The following SRRM2 variants were observed in gnomAD, a reference collection of about 807,000 sequenced individuals.
SRRM2 encodes the protein serine/arginine repetitive matrix 2, also known as serine/arginine repetitive matrix protein 2.
In SRRM2, 30 loss-of-function variants were observed where a neutral mutation model predicts 213.8. That is an observed-to-expected ratio of 0.14 (90% CI 0.10 to 0.19). SRRM2 has a LOEUF of 0.19. Among genes scored for constraint, SRRM2 ranks in the 10% least tolerant of loss-of-function variants. The pLI is 1.00. For synonymous variants in SRRM2, 2,025 were observed against 1,377.7 expected (o/e 1.47, Z -10.40); for missense variants, 4,904 against 3,647.0 (o/e 1.34, Z -8.88).
chr16:2,770,808 C>T, intron 14 of SRRM2, 50 bp from the exon 15 acceptor site: 2 of 1,613,406 alleles, frequency 1.2e-6, no homozygotes, highest in Non-Finnish European at 1.7e-6. Flanking sequence ...AGAAACTGGC[C>T]TTGAGGGCTG....
In SRRM2 at chr16:2,770,333, G is replaced by A. The variant is rs1449811572; in HGVS notation, c.8022-19G>A. On this transcript the variant is annotated intron_variant, in intron 12 of 14. Coordinates refer to ENST00000301740, the MANE Select transcript of SRRM2 (RefSeq NM_016333.4). ...GCTTGAAAGGGTGTGGTGCTATTGG[G>A]TCCTACTGTGTTCCCCAGGTCCCGC... is the stretch of plus-strand genomic sequence containing the variant. 1.9e-6 allele frequency: 3 copies of A among 1,564,388 alleles called. No individual in the cohort carries two copies. The Admixed American group carries it at 5.6e-5, about 29-fold the overall frequency.
At chr16:2,759,717 A>C in intron 9 of SRRM2, 56 bp downstream of exon 9, 1 of 1,524,104 alleles carries the variant, frequency 6.6e-7, no homozygotes, top group Non-Finnish European at 9.1e-7. Context: ...TAATTAATTT[A>C]ATATTTATTG....
At chr16:2,760,175 G>A (rs912240122) in intron 9 of SRRM2, 126 bp from the exon 10 acceptor site, 6 of 899,206 alleles carry the variant, frequency 6.7e-6, no homozygotes, top group East Asian at 2.6e-5. Context: ...TGAGTTGTGC[G>A]ACTAAAGGCT....
In SRRM2 at chr16:2,769,197, C is replaced by T. The variant is rs755912977; in HGVS notation, c.7934C>T (p.Ser2645Leu). Residue 2645 changes from serine to leucine, a missense_variant, in exon 12 of 15, where the codon TCG (serine) becomes TTG (leucine). Coordinates refer to ENST00000301740, the MANE Select transcript of SRRM2 (RefSeq NM_016333.4). Reference protein sequence around the residue: ...SSSSSSSSSSSSSSPSPAKPG... With the variant: ...SSSSSSSSSSLSSSPSPAKPG... ...TCCTCCTCATCTTCCTCCTCCTCGT[C>T]GTCTTCCTCCCCTTCCCCTGCTAAG... 2.3e-5 allele frequency: 37 copies of T among 1,607,880 alleles called. No homozygotes were observed. Among genetic ancestry groups the T allele is most frequent in the East Asian group, 1.3e-4 (6 of 44,880 alleles).
In SRRM2 at chr16:2,769,122, C is replaced by T. The variant is rs768424943; in HGVS notation, c.7859C>T (p.Ser2620Phe). Residue 2620 changes from serine to phenylalanine, a missense_variant, in exon 12 of 15, where the codon TCC becomes TTC. Ser to Phe is a radical substitution (Grantham distance 155, BLOSUM62 -2). Transcript: ENST00000301740. ...SSSSSSSSSS[S>F]SSSSSSSSSS... ...TCCAGCTCCTCCTCTTCATCTTCCT[C>T]CTCCTCCTCCTCCTCCTCTTCTTCC... is the stretch of plus-strand genomic sequence containing the variant. 9.9e-6 allele frequency: 16 copies of T among 1,610,736 alleles called. No homozygotes were observed. The highest frequency in any genetic ancestry group is 2.2e-5 in the East Asian group (1 of 44,806).
At position 2,770,704 on chromosome 16, in the gene SRRM2, C is replaced by T. The variant is rs1271357879; in HGVS notation, c.8236C>T (p.His2746Tyr). ...RETPSPRPMR[H>Y]RSSRSP ...GACACCTAGCCCTCGGCCCATGAGA[C>T]ACCGCTCCTCCAGGTGCGTGTCCTG... The change falls in exon 14 of 15, where the codon CAC (histidine) becomes TAC (tyrosine). Residue 2746 changes from histidine to tyrosine, a missense_variant. By Grantham distance (83) the His-to-Tyr change is moderately conservative (BLOSUM62 2). Coordinates refer to ENST00000301740, the MANE Select transcript of SRRM2 (RefSeq NM_016333.4). The T allele has an allele frequency of 3.8e-6, 6 of 1,561,518 alleles. No homozygotes were observed. The highest frequency in any genetic ancestry group is 1.9e-5 in the Admixed American group (1 of 52,268).
Position 2,770,610 on chromosome 16 carries a change from CAGT to C in SRRM2, c.8143_8145del (p.Ser2715del), listed in dbSNP as rs748736775. Reference sequence around the variant, plus strand: ...TGTCTGTCCTGTGTTGCAGCAGCAGCAGTGAGCGGGGTTCCCGGAGAGGCCAGC... The same window carrying C: ...TGTCTGTCCTGTGTTGCAGCAGCAGCGAGCGGGGTTCCCGGAGAGGCCAGC... On this transcript the variant is annotated inframe_deletion, in exon 14 of 15. Transcript: ENST00000301740. 6 of 1,552,974 alleles carry C rather than the reference CAGT, an allele frequency of 3.9e-6. No individual in the cohort carries two copies. Among genetic ancestry groups the C allele is most frequent in the Non-Finnish European group, 4.4e-6 (5 of 1,147,928 alleles).
rs1247791146 is a variant in SRRM2, at chr16:2,752,765, C to G, written c.-113C>G. 3 of 361,344 alleles carry G rather than the reference C, an allele frequency of 8.3e-6. No homozygotes were observed. The highest frequency in any genetic ancestry group is 6.9e-5 in the Admixed American group (2 of 29,132). 22.4% of individuals were successfully genotyped at this position (361,344 alleles called of 1,614,324 possible). ...CGGACCGGCGAGGCGAGGCGGCGGC[C>G]CCAGGCCCGAGGGACTCGGGAGCTC... On this transcript the variant is annotated 5_prime_UTR_variant, in exon 1 of 15. Coordinates refer to ENST00000301740, the MANE Select transcript of SRRM2 (RefSeq NM_016333.4).
chr16:2,760,380 G>A lies in SRRM2; in HGVS notation c.913G>A (p.Glu305Lys), dbSNP rs1409477426. The A allele has an allele frequency of 1.2e-6, 2 of 1,614,158 alleles. No homozygotes were observed. Among genetic ancestry groups the A allele is most frequent in the Non-Finnish European group, 8.5e-7 (1 of 1,180,028 alleles). The change falls in exon 10 of 15, where the codon GAG (glutamate) becomes AAG (lysine). Residue 305 changes from glutamate to lysine, a missense_variant. Glu to Lys is a moderately conservative substitution (Grantham distance 56). Coordinates refer to ENST00000301740, the MANE Select transcript of SRRM2 (RefSeq NM_016333.4). ...SPSPASGRRG[E>K]GDAPFSEPGT... ...TTCCCCTGCTTCAGGGCGACGCGGG[G>A]AGGGAGATGCGCCTTTCAGTGAACC...
Position 2,765,772 on chromosome 16 carries a change from T to C in SRRM2, c.5244T>C (p.Ala1748=), listed in dbSNP as rs2068518978. Residue 1748 remains alanine (A), a synonymous_variant, in exon 11 of 15, where the codon GCT becomes GCC. Coordinates refer to ENST00000301740, the MANE Select transcript of SRRM2 (RefSeq NM_016333.4). ...KSRSSRRRRS[A]SSPRTKTTSR... ...GGTCTTCACGCCGACGGCGCTCAGC[T>C]TCATCTCCACGCACTAAGACAACCT... The C allele has an allele frequency of 6.2e-7, 1 of 1,614,080 alleles. No individual in the cohort carries two copies. The highest frequency in any genetic ancestry group is 8.5e-7 in the Non-Finnish European group (1 of 1,180,030).
chr16:2,761,129 C>T (rs547434134), intron 10 of SRRM2, among the ~76,000 whole-genome samples: 1 of 152,344 alleles, frequency 6.6e-6, no homozygotes, highest in Non-Finnish European at 1.5e-5. Context: ...CTCTACCCAT[C>T]CTGGGCTGCT....
rs761995850 is a variant in SRRM2, at chr16:2,758,977, A to G, written c.594-8A>G. 5.6e-6 allele frequency: 9 copies of G among 1,614,192 alleles called. No homozygotes were observed. The highest frequency in any genetic ancestry group is 5.5e-5 in the South Asian group (5 of 91,074). On this transcript the variant is annotated splice_polypyrimidine_tract_variant and splice_region_variant and intron_variant, in intron 5 of 14. Transcript: ENST00000301740. Reference sequence around the variant, plus strand: ...GCAGGATGAGCTTGCTTTTGAATCCATCTTTAGCAGGTCAGAGAGCAGCTC... The same window carrying G: ...GCAGGATGAGCTTGCTTTTGAATCCGTCTTTAGCAGGTCAGAGAGCAGCTC...
In SRRM2 at chr16:2,766,756, C is replaced by T. The variant is rs1334450424; in HGVS notation, c.6228C>T (p.Arg2076=). Residue 2076 remains arginine (R), a synonymous_variant, in exon 11 of 15, where the codon CGC becomes CGT. Transcript: ENST00000301740. The surrounding 1 kb of genome is among the most constrained non-coding windows in gnomAD (Gnocchi z 7.0). The part of the protein sequence containing the change: ...RSLTRSPPAI[R]RRSASGSSSD... ...TAACAAGATCTCCTCCAGCCATCCG[C>T]AGGCGTTCTGCATCTGGAAGTAGTT... is the stretch of plus-strand genomic sequence containing the variant. 1.2e-6 allele frequency: 2 copies of T among 1,614,090 alleles called. No homozygotes were observed. The highest frequency in any genetic ancestry group is 1.7e-5 in the Admixed American group (1 of 60,002).
At chr16:2,757,270 A>C (rs1403842945) in intron 2 of SRRM2, among the ~76,000 whole-genome samples, 1 of 152,126 alleles carries the variant, frequency 6.6e-6, no homozygotes, top group Non-Finnish European at 1.5e-5. Flanking sequence ...AGCATATTTA[A>C]AATCCACTGT....
At chr16:2,761,332 T>C (rs1007327692) in intron 10 of SRRM2, among the ~76,000 whole-genome samples, 1 of 152,264 alleles carries the variant, frequency 6.6e-6, no homozygotes, top group Admixed American at 6.5e-5. Context: ...GTGCATTAGT[T>C]ATTTGCATTT....
chr16:2,763,073 C>A lies in SRRM2; in HGVS notation c.2545C>A (p.Pro849Thr). The A allele has an allele frequency of 6.2e-7, 1 of 1,614,180 alleles. No individual in the cohort carries two copies. Among genetic ancestry groups the A allele is most frequent in the Non-Finnish European group, 8.5e-7 (1 of 1,180,020 alleles). The change falls in exon 11 of 15, where the codon CCA becomes ACA. Residue 849 changes from proline (P) to threonine (T), a missense_variant. Physicochemically the swap from Pro to Thr is conservative, Grantham distance 38. Coordinates refer to ENST00000301740, the MANE Select transcript of SRRM2 (RefSeq NM_016333.4). ...TCATCCTAAAGTGAAATCTGGAACACCACCGAGGCAAGGGTCCATAACAAG... is the reference window on the plus strand; with the variant it reads ...TCATCCTAAAGTGAAATCTGGAACAACACCGAGGCAAGGGTCCATAACAAG... ...SPHPKVKSGT[P>T]PRQGSITSPQ...
At position 2,759,167 on chromosome 16, in the gene SRRM2, G is replaced by C. The variant is rs550406093; in HGVS notation, c.684G>C (p.Lys228Asn). ...HRSESESKKR[K>N]HRSPTPKSKR... ...CAGAATCTGAGTCCAAGAAACGTAAGCATAGGTAAGAGCTCTTTAACTCAT... is the reference window on the plus strand; with the variant it reads ...CAGAATCTGAGTCCAAGAAACGTAACCATAGGTAAGAGCTCTTTAACTCAT... The change falls in exon 7 of 15, where the codon AAG becomes AAC. Residue 228 changes from lysine to asparagine, a missense_variant. By Grantham distance (94) the Lys-to-Asn change is moderately conservative (BLOSUM62 0). Coordinates refer to ENST00000301740, the MANE Select transcript of SRRM2 (RefSeq NM_016333.4). 2.5e-6 allele frequency: 4 copies of C among 1,614,152 alleles called. No homozygotes were observed. In the African/African-American group the frequency reaches 5.3e-5, roughly 22 times the overall value.
Position 2,768,024 on chromosome 16 carries a change from C to G in SRRM2, c.7496C>G (p.Pro2499Arg), listed in dbSNP as rs766351781. The change falls in exon 11 of 15, where the codon CCT (proline) becomes CGT (arginine). Residue 2499 changes from proline (P) to arginine (R), a missense_variant. Coordinates refer to ENST00000301740, the MANE Select transcript of SRRM2 (RefSeq NM_016333.4). Reference protein sequence around the residue: ...DHNGMLSVPAPGVPHSDVGEP... With the variant: ...DHNGMLSVPARGVPHSDVGEP... ...AATGGCATGCTCTCTGTCCCTGCCC[C>G]TGGGGTGCCCCACTCTGATGTGGGG... 1 of 1,614,192 alleles carries G rather than the reference C, an allele frequency of 6.2e-7. No homozygotes were observed. The highest frequency in any genetic ancestry group is 1.1e-5 in the South Asian group (1 of 91,082).
rs372017967 is a variant in SRRM2 at position 2,762,361 on chromosome 16, G to C, written c.1833G>C (p.Arg611=). 1.3e-5 allele frequency: 21 copies of C among 1,610,500 alleles called. No homozygotes were observed. Among genetic ancestry groups the C allele is most frequent in the Non-Finnish European group, 1.6e-5 (19 of 1,178,592 alleles). ...GGTCTCGGTCTAGAACACCAGCCCG[G>C]AGGGGCAGGTCTCGGTCTAGAACAC... is the stretch of plus-strand genomic sequence containing the variant. ...RRRSRSRTPA[R]RGRSRSRTPA... is the part of the protein sequence containing the mutation. The change falls in exon 11 of 15, where the codon CGG becomes CGC. Residue 611 remains arginine (R), a synonymous_variant. Coordinates refer to ENST00000301740, the MANE Select transcript of SRRM2 (RefSeq NM_016333.4).
Sources: gnomAD v4.1 joint callset for allele counts (sites outside exome capture counted in the v4.1 genomes callset) on GRCh38, gnomAD v4.1.1 for gene constraint, Gnocchi (gnomAD v3.1) non-coding constraint, MANE v1.5 for transcripts, NCBI Gene and HGNC (gene_info 2026-07-23, HGNC 2026-07-21) for gene names.